Variants in GLP2R observed in about 807,000 individuals in gnomAD.
GLP2R encodes glucagon like peptide 2 receptor.
In GLP2R, 59 loss-of-function variants were observed where a neutral mutation model predicts 68.2. The ratio of observed to expected loss-of-function variants is 0.87; its 90% CI spans 0.70 to 1.07. The LOEUF is 1.07. Among genes scored for constraint, GLP2R ranks in the 50% least tolerant of loss-of-function variants. GLP2R has a pLI of 0.00. For missense variants in GLP2R, 548 were observed against 677.4 expected, an observed-to-expected ratio of 0.81 and a Z score of 2.12; for synonymous variants, 270 against 265.4, an observed-to-expected ratio of 1.02 and a Z score of -0.17.
chr17:9,879,557 C>CATA (rs1221036414), intron 10 of GLP2R, among the ~76,000 whole-genome samples: 2 of 152,016 alleles, frequency 1.3e-5, no homozygotes, highest in African/African-American at 2.4e-5. Context: ...GGAGTTGATA[C>CATA]TGAGGCCCAG....
chr17:9,851,592 T>C (rs1329884029), intron 4 of GLP2R, among the ~76,000 whole-genome samples: 1 of 152,056 alleles, frequency 6.6e-6, no homozygotes, highest in Non-Finnish European at 1.5e-5. Context: ...CCATAGAGAA[T>C]AATTCTAGAG....
At chr17:9,867,331 T>C (rs891989150) in intron 9 of GLP2R, among the ~76,000 whole-genome samples, 1 of 152,220 alleles carries the variant, frequency 6.6e-6, no homozygotes, top group Non-Finnish European at 1.5e-5. Context: ...AGCATCTGGG[T>C]TGATGCGAGT....
At chr17:9,877,756 A>T (rs1164129541) in intron 10 of GLP2R, among the ~76,000 whole-genome samples, 1 of 151,576 alleles carries the variant, frequency 6.6e-6, no homozygotes, top group Admixed American at 6.6e-5. Context: ...GGGCGCCTGT[A>T]TTCCCAGGTA....
At chr17:9,887,039 G>C (rs1395641104) in intron 11 of GLP2R, among the ~76,000 whole-genome samples, 1 of 152,138 alleles carries the variant, frequency 6.6e-6, no homozygotes, top group Non-Finnish European at 1.5e-5. Context: ...GACAAATCAG[G>C]ATATGTAGGA....
At chr17:9,873,556 C>CTTTTTT (rs3073988) in intron 10 of GLP2R, among the ~76,000 whole-genome samples, 1,155 of 52,056 alleles carry the variant, frequency 0.022, 255 homozygotes, top group African/African-American at 0.086. Flanking sequence ...TATGCATGGA[C>CTTTTTT]TTTTTTTTTT....
At chr17:9,872,479 A>G (rs1336282709) in intron 10 of GLP2R, among the ~76,000 whole-genome samples, 1 of 152,220 alleles carries the variant, frequency 6.6e-6, no homozygotes, top group African/African-American at 2.4e-5. Context: ...CAGGAGGCTG[A>G]GGCAGGAGAA....
intron 9 of GLP2R, among the ~76,000 whole-genome samples, chr17:9,865,570 C>T (rs1159926282): frequency 6.6e-6 from 1 of 152,204 alleles, no homozygotes; most frequent in East Asian, 1.9e-4. Flanking sequence ...CGTATGGATA[C>T]ATTTAAAGTT....
rs76940480 is a variant in GLP2R at position 9,864,482 on chromosome 17, GTTTT to G, written c.1056+2396_1056+2399del. On this transcript the variant is annotated intron_variant, in intron 9 of 12. Coordinates refer to ENST00000262441, the MANE Select transcript of GLP2R (RefSeq NM_004246.3). ...GGGCCTAGGCACTGTAGTTTTTTCT[GTTTT>G]TTTGTTTGTTTGTTTGTTTGTTTGT... Among the ~76,000 whole-genome samples the G allele has an allele frequency of 7.3e-3, 1,042 of 143,712 alleles. 7 individuals carry two copies. Among genetic ancestry groups the G allele is most frequent in the Middle Eastern group, 0.018 (5 of 280 alleles). 94.3% of individuals were successfully genotyped at this position (143,712 alleles called of 152,430 possible).
chr17:9,852,694 CT>C, intron 4 of GLP2R: 1 of 230,248 alleles, frequency 4.3e-6, no homozygotes, highest in South Asian at 6.4e-5. Flanking sequence ...GGTTTTGAGT[CT>C]TTTCCATTCT....
intron 1 of GLP2R, 135 bp downstream of exon 1, chr17:9,826,387 T>C (rs1292629466): frequency 1.8e-5 from 11 of 620,000 alleles, no homozygotes; most frequent in Admixed American, 3.5e-5. Flanking sequence ...GCCATAATCC[T>C]AGCATTCAAA....
chr17:9,839,738 C>G (rs915358482), intron 3 of GLP2R, among the ~76,000 whole-genome samples: 5 of 152,188 alleles, frequency 3.3e-5, no homozygotes, highest in African/African-American at 1.2e-4. Context: ...CACTCTCCCC[C>G]ACGTTCAGGG....
At chr17:9,873,332 C>T (rs2067112766) in intron 10 of GLP2R, among the ~76,000 whole-genome samples, 1 of 152,178 alleles carries the variant, frequency 6.6e-6, no homozygotes, top group African/African-American at 2.4e-5. Flanking sequence ...GCACCTTCGC[C>T]ATGCCCAAGA....
chr17:9,845,748 CGTGT>C lies in GLP2R; in HGVS notation c.504+3155_504+3158del, dbSNP rs60266643. 7.0e-3 allele frequency among the ~76,000 whole-genome samples: 1,043 copies of C among 148,446 alleles called. 12 individuals are homozygous for C. The highest frequency in any genetic ancestry group is 0.022 in the African/African-American group (887 of 40,700). On this transcript the variant is annotated intron_variant, in intron 4 of 12. Transcript: ENST00000262441. Reference sequence around the variant, plus strand: ...TTGGTTGGATTTATGTGTGTGTGTGCGTGTGTGTGTGTGTGTGTGTGTGTGTAAT... The same window carrying C: ...TTGGTTGGATTTATGTGTGTGTGTGCGTGTGTGTGTGTGTGTGTGTGTAAT...
At chr17:9,878,663 G>C (rs924265130) in intron 10 of GLP2R, among the ~76,000 whole-genome samples, 7 of 152,150 alleles carry the variant, frequency 4.6e-5, no homozygotes, top group African/African-American at 1.7e-4. Flanking sequence ...GAGTCCCTCC[G>C]TCCTGGTGGC....
Position 9,887,965 on chromosome 17 carries a change from A to G in GLP2R, c.1318A>G (p.Asn440Asp), listed in dbSNP as rs766155300. ...GGTGGCCTTGCAGTATGGTTTTGCC[A>G]ATGGAGAGGTATGATTTCCACGTTG... is the stretch of plus-strand genomic sequence containing the variant. ...FLVALQYGFA[N>D]GEVKAELRKY... The change falls in exon 12 of 13, where the codon AAT (asparagine) becomes GAT (aspartate). Residue 440 changes from asparagine (N) to aspartate (D), a missense_variant. Transcript: ENST00000262441. The G allele has an allele frequency of 1.2e-6, 2 of 1,610,626 alleles. No homozygotes were observed. The highest frequency in any genetic ancestry group is 1.3e-5 in the African/African-American group (1 of 74,812).
chr17:9,846,618 C>T (rs1157366379), intron 4 of GLP2R, among the ~76,000 whole-genome samples: 1 of 151,850 alleles, frequency 6.6e-6, no homozygotes, highest in Non-Finnish European at 1.5e-5. Context: ...GACTCTGTCT[C>T]AAAAAACAAC....
At chr17:9,844,847 C>T (rs534323767) in intron 4 of GLP2R, among the ~76,000 whole-genome samples, 29 of 151,336 alleles carry the variant, frequency 1.9e-4, no homozygotes, top group African/African-American at 6.1e-4. Flanking sequence ...CGTGCCACCA[C>T]GCCCGTCTAA....
intron 9 of GLP2R, 89 bp downstream of exon 9, chr17:9,862,179 C>T: frequency 1.1e-6 from 1 of 900,948 alleles, no homozygotes; most frequent in Non-Finnish European, 1.9e-6. Context: ...CCCCCAGGTT[C>T]TCTGATCCCT....
intron 3 of GLP2R, among the ~76,000 whole-genome samples, chr17:9,837,129 A>G (rs2066739645): frequency 6.6e-6 from 1 of 152,162 alleles, no homozygotes; most frequent in Non-Finnish European, 1.5e-5. Flanking sequence ...TGCTGGGATT[A>G]CAGGCGTGAG....
Sources: gnomAD v4.1 joint callset for allele counts (sites outside exome capture counted in the v4.1 genomes callset) on GRCh38, gnomAD v4.1.1 for gene constraint, MANE v1.5 for transcripts, NCBI Gene and HGNC (gene_info 2026-07-23, HGNC 2026-07-21) for gene names.